KIT: variants seen among roughly 807,000 people sequenced by gnomAD.
KIT encodes the protein mast/stem cell growth factor receptor Kit.
A neutral mutation model predicts 105.7 loss-of-function variants in KIT; 16 were observed. The ratio of observed to expected loss-of-function variants is 0.15; its 90% CI spans 0.10 to 0.23. The LOEUF (loss-of-function observed/expected upper bound fraction) is 0.23, where lower values mean the gene tolerates loss of function less well. Ranked by LOEUF, KIT falls within the 10% of genes least tolerant of loss-of-function variation. KIT has a pLI of 1.00. For missense variants in KIT, 858 were observed against 1,213.8 expected, an observed-to-expected ratio of 0.71 and a Z score of 4.36; for synonymous variants, 438 against 441.1, an observed-to-expected ratio of 0.99 and a Z score of 0.09.
rs1720599914 is a variant in KIT at position 54,703,734 on chromosome 4, A to C, written c.767A>C (p.Gln256Pro). The change falls in exon 5 of 21, where the codon CAG (glutamine) becomes CCG (proline). Residue 256 changes from glutamine to proline, a missense_variant. By Grantham distance (76) the Gln-to-Pro change is moderately conservative. This residue lies in a region of KIT where 401 missense variants were observed against 601.0 expected (regional missense o/e 0.67). Transcript: ENST00000288135. ...TTCTGAAACCAGCAGACTAAACTAC[A>C]GGAGAAATATAATAGCTGGCATCAC... ...WKRENSQTKL[Q>P]EKYNSWHHGD... The C allele has an allele frequency of 6.2e-7, 1 of 1,613,576 alleles. No individual in the cohort carries two copies. The highest frequency in any genetic ancestry group is 1.3e-5 in the African/African-American group (1 of 75,024).
At chr4:54,717,772 T>C (rs965995646) in intron 7 of KIT, among the ~76,000 whole-genome samples, 2 of 152,162 alleles carry the variant, frequency 1.3e-5, no homozygotes, top group African/African-American at 4.8e-5. Context: ...ACCCTTCTCC[T>C]CCACTTCTGA....
intron 7 of KIT, among the ~76,000 whole-genome samples, chr4:54,721,531 AT>A (rs560820383): frequency 6.9e-4 from 105 of 152,200 alleles, no homozygotes; most frequent in African/African-American, 2.5e-3. Flanking sequence ...CTACCTTGAG[AT>A]TGTTTTGGAG....
intron 1 of KIT, among the ~76,000 whole-genome samples, chr4:54,682,152 C>T (rs533371676): frequency 4.1e-5 from 6 of 147,918 alleles, no homozygotes; most frequent in Admixed American, 1.3e-4. Context: ...TGTAGTGGCA[C>T]GATCACAGCT....
chr4:54,693,525 A>G (rs1181107340), intron 1 of KIT, among the ~76,000 whole-genome samples: 2 of 152,176 alleles, frequency 1.3e-5, no homozygotes, highest in African/African-American at 2.4e-5. Flanking sequence ...ATTCCAGGTC[A>G]TAAGCAACCC....
At chr4:54,736,225 A>G (rs1226392604) in intron 17 of KIT, among the ~76,000 whole-genome samples, 3 of 152,178 alleles carry the variant, frequency 2.0e-5, no homozygotes. Flanking sequence ...CCAGGGCTAA[A>G]ATGTCTGGCT....
chr4:54,722,843 TTA>T (rs72375781), intron 7 of KIT, among the ~76,000 whole-genome samples: 16,861 of 143,058 alleles, frequency 0.12, 1,173 homozygotes, highest in African/African-American at 0.2. Context: ...TTATATATAT[TTA>T]TATATATTTT....
chr4:54,714,984 C>T (rs114699143), intron 7 of KIT, among the ~76,000 whole-genome samples: 1,738 of 152,302 alleles, frequency 0.011, 38 homozygotes, highest in African/African-American at 0.04. Flanking sequence ...ACCAATTTCA[C>T]TCCATTTATG....
chr4:54,678,976 T>C (rs778804524), intron 1 of KIT, among the ~76,000 whole-genome samples: 19 of 151,822 alleles, frequency 1.3e-4, no homozygotes, highest in African/African-American at 2.7e-4. Flanking sequence ...GAAGACTCAC[T>C]GAAGGAGACA....
chr4:54,712,183 T>C (rs997202553), intron 7 of KIT, among the ~76,000 whole-genome samples: 3 of 152,226 alleles, frequency 2.0e-5, no homozygotes, highest in African/African-American at 7.2e-5. Context: ...GGATCAATAC[T>C]TCTTGTAAAA....
chr4:54,690,059 G>C (rs2703472), intron 1 of KIT, among the ~76,000 whole-genome samples: 1 of 71,124 alleles, frequency 1.4e-5, no homozygotes, highest in East Asian at 3.2e-4. Flanking sequence ...TTTTTTTTGT[G>C]GGGGGGGGGG....
At chr4:54,722,125 A>G (rs1403542801) in intron 7 of KIT, among the ~76,000 whole-genome samples, 1 of 152,062 alleles carries the variant, frequency 6.6e-6, no homozygotes, top group Admixed American at 6.6e-5. Context: ...AGCTGGGACT[A>G]CAGGCGCATG....
At position 54,700,568 on chromosome 4, in the gene KIT, G is replaced by A. The variant is rs998390375; in HGVS notation, c.756+802G>A. ...ATTGACCAAGTTTTCAGTAATTTTTGTTTGAATAATCTTGGCCATCTAGTT... is the reference window on the plus strand; with the variant it reads ...ATTGACCAAGTTTTCAGTAATTTTTATTTGAATAATCTTGGCCATCTAGTT... On this transcript the variant is annotated intron_variant, in intron 4 of 20. Coordinates refer to ENST00000288135, the MANE Select transcript of KIT (RefSeq NM_000222.3). 3.9e-5 allele frequency among the ~76,000 whole-genome samples: 6 copies of A among 152,034 alleles called. No individual in the cohort carries two copies. In the South Asian group the frequency reaches 1.2e-3, roughly 31 times the overall value.
At chr4:54,723,166 G>A (rs1722000845) in intron 7 of KIT, among the ~76,000 whole-genome samples, 1 of 152,040 alleles carries the variant, frequency 6.6e-6, no homozygotes, top group African/African-American at 2.4e-5. Context: ...ATCCATTCCA[G>A]TTCCCACAAT....
chr4:54,699,603 G>T, intron 3 of KIT, 27 bp from the exon 4 acceptor site: 1 of 1,613,266 alleles, frequency 6.2e-7, no homozygotes. Context: ...CAAATTATTT[G>T]AGGGGCCACA....
At chr4:54,710,044 G>A (rs1225336289) in intron 7 of KIT, among the ~76,000 whole-genome samples, 5 of 152,154 alleles carry the variant, frequency 3.3e-5, no homozygotes, top group African/African-American at 1.2e-4. Flanking sequence ...AGTACCATGT[G>A]GTATGTGGGA....
intron 1 of KIT, among the ~76,000 whole-genome samples, chr4:54,670,659 A>G (rs1307855719): frequency 1.3e-5 from 2 of 152,138 alleles, no homozygotes; most frequent in African/African-American, 4.8e-5. Context: ...AAAGTGAGTC[A>G]CAGAAACCAG....
chr4:54,736,260 C>A (rs553749602), intron 17 of KIT, among the ~76,000 whole-genome samples: 2 of 152,282 alleles, frequency 1.3e-5, no homozygotes, highest in Non-Finnish European at 2.9e-5. Context: ...TGCTCTTAAT[C>A]TCCATGCCGT....
chr4:54,664,187 G>GA (rs1244613033), intron 1 of KIT, among the ~76,000 whole-genome samples: 1 of 151,980 alleles, frequency 6.6e-6, no homozygotes, highest in Non-Finnish European at 1.5e-5. Context: ...GGCTTCAGCT[G>GA]AAAAAAACTA....
At chr4:54,737,108 A>G (rs1722963708) in intron 19 of KIT, 67 bp from the exon 20 acceptor site, 7 of 994,898 alleles carry the variant, frequency 7.0e-6, no homozygotes, top group South Asian at 1.3e-5. Flanking sequence ...AAGTTGCTGG[A>G]TGCCCATACA....
Sources: allele counts gnomAD v4.1 joint callset (sites outside exome capture counted in the v4.1 genomes callset), GRCh38; gene constraint gnomAD v4.1.1; regional missense constraint gnomAD v4.1.1; transcripts MANE v1.5; gene names NCBI Gene and HGNC (gene_info 2026-07-23, HGNC 2026-07-21).